The following CTNNA3 variants were observed in gnomAD, a reference collection of about 807,000 sequenced individuals.
The protein encoded by CTNNA3 is catenin alpha-3.
A neutral mutation model predicts 95.7 loss-of-function variants in CTNNA3; 76 were observed. The observed-to-expected ratio is 0.79, with a 90% CI of 0.66 to 0.96. CTNNA3 has a LOEUF of 0.96. Ranked by LOEUF, CTNNA3 falls within the 40% of genes least tolerant of loss-of-function variation. The pLI, the probability that CTNNA3 is intolerant of heterozygous loss-of-function variation, is 0.00. For missense variants in CTNNA3, 1,191 were observed against 1,089.8 expected (o/e 1.09, Z -1.31); for synonymous variants, 431 against 374.4 (o/e 1.15, Z -1.74).
At chr10:66,323,435 A>C (rs752175364) in intron 12 of CTNNA3, among the ~76,000 whole-genome samples, 2 of 151,838 alleles carry the variant, frequency 1.3e-5, no homozygotes, top group Non-Finnish European at 2.9e-5. Context: ...CCTGAGGTCA[A>C]GAGTTCGAGA....
At chr10:66,632,382 C>A (rs1253041932) in intron 9 of CTNNA3, among the ~76,000 whole-genome samples, 2 of 151,640 alleles carry the variant, frequency 1.3e-5, no homozygotes, top group African/African-American at 4.8e-5. Flanking sequence ...GGTGCAACCC[C>A]ATCTCTACTA....
Position 67,133,192 on chromosome 10 carries a change from G to A in CTNNA3, c.1047+47125C>T, listed in dbSNP as rs1228744035. Reference sequence around the variant, plus strand: ...AAACTCATATGTACTCCGTAAATAGGTGAAACATTGTATGTCAATAAAAGA... The same window carrying A: ...AAACTCATATGTACTCCGTAAATAGATGAAACATTGTATGTCAATAAAAGA... On this transcript the variant is annotated intron_variant, in intron 7 of 17. Transcript: ENST00000433211. 1.0e-4 allele frequency among the ~76,000 whole-genome samples: 15 copies of A among 150,500 alleles called. No homozygotes were observed. The Admixed American group carries it at 1.0e-3, about 10-fold the overall frequency.
intron 15 of CTNNA3, among the ~76,000 whole-genome samples, chr10:66,026,490 T>A (rs1376980905): frequency 6.6e-6 from 1 of 152,132 alleles, no homozygotes; most frequent in East Asian, 1.9e-4. Context: ...ATCATTAGAT[T>A]TTTTCAGGAA....
At chr10:66,189,600 T>TTTTATATATATATATATATATA (rs1554883869) in intron 13 of CTNNA3, among the ~76,000 whole-genome samples, 1 of 89,356 alleles carries the variant, frequency 1.1e-5, no homozygotes, top group East Asian at 3.0e-4. Context: ...TACTATAGAT[T>TTTTATATATATATATATATATA]TATATATATA....
At chr10:66,553,143 T>A (rs923353982) in intron 10 of CTNNA3, among the ~76,000 whole-genome samples, 25 of 152,120 alleles carry the variant, frequency 1.6e-4, no homozygotes, top group African/African-American at 4.8e-4. Context: ...TATTTTGTAA[T>A]CCTTTTATCT....
intron 13 of CTNNA3, among the ~76,000 whole-genome samples, chr10:66,211,656 C>T (rs1035671526): frequency 6.6e-6 from 1 of 152,180 alleles, no homozygotes; most frequent in Non-Finnish European, 1.5e-5. Context: ...CTAATATCTG[C>T]AGTAGAATCT....
intron 10 of CTNNA3, among the ~76,000 whole-genome samples, chr10:66,530,055 A>T (rs1841413253): frequency 6.6e-6 from 1 of 152,142 alleles, no homozygotes; most frequent in African/African-American, 2.4e-5. Flanking sequence ...TTCTAAAAAC[A>T]ATTACTTAAA....
chr10:66,581,085 T>C (rs1469322092), intron 10 of CTNNA3, among the ~76,000 whole-genome samples: 2 of 151,800 alleles, frequency 1.3e-5, no homozygotes, highest in Non-Finnish European at 3.0e-5. Context: ...ATTCCATTCT[T>C]TTTATGGCTG....
chr10:66,072,156 T>TTTTGTAAATAATTATGTAATAG (rs1472918396), intron 14 of CTNNA3, among the ~76,000 whole-genome samples: 1 of 152,192 alleles, frequency 6.6e-6, no homozygotes, highest in East Asian at 1.9e-4. Context: ...GAAATTTGAA[T>TTTTGTAAATAATTATGTAATAG]TTTACATAAT....
intron 5 of CTNNA3, among the ~76,000 whole-genome samples, chr10:67,381,917 C>A (rs1051443557): frequency 1.3e-5 from 2 of 152,100 alleles, no homozygotes; most frequent in African/African-American, 4.8e-5. Context: ...ATATCACTAT[C>A]CAGCTCTGAG....
chr10:67,263,288 A>G (rs569581323), intron 5 of CTNNA3, among the ~76,000 whole-genome samples: 73 of 152,284 alleles, frequency 4.8e-4, no homozygotes, highest in African/African-American at 1.4e-3. Context: ...CAGACCTAGT[A>G]CTATTGTGAT....
chr10:66,781,611 G>A (rs1840539651), intron 7 of CTNNA3, among the ~76,000 whole-genome samples: 1 of 152,058 alleles, frequency 6.6e-6, no homozygotes, highest in African/African-American at 2.4e-5. Flanking sequence ...TTTGAAATGA[G>A]GTTTTTAAAA....
chr10:66,969,424 T>C (rs574617933), intron 7 of CTNNA3, among the ~76,000 whole-genome samples: 16 of 152,178 alleles, frequency 1.1e-4, no homozygotes, highest in Non-Finnish European at 1.6e-4. Flanking sequence ...GATGCACATT[T>C]GAATAATGTA....
chr10:67,347,063 A>AATTTTTTT (rs1349401470), intron 5 of CTNNA3, among the ~76,000 whole-genome samples: 1 of 144,322 alleles, frequency 6.9e-6, no homozygotes, highest in Non-Finnish European at 1.5e-5. Context: ...GTAATCCTAG[A>AATTTTTTT]ATTTTTTTTT....
intron 9 of CTNNA3, among the ~76,000 whole-genome samples, chr10:66,685,323 G>A (rs554033070): frequency 0.14 from 4,784 of 34,680 alleles, 338 homozygotes; most frequent in African/African-American, 0.27. Context: ...GTGTGTATGT[G>A]TGTATATATA....
At chr10:66,987,656 G>A (rs1311915469) in intron 7 of CTNNA3, among the ~76,000 whole-genome samples, 3 of 152,064 alleles carry the variant, frequency 2.0e-5, no homozygotes, top group African/African-American at 7.2e-5. Flanking sequence ...AGTTAACTTT[G>A]GAACACCATT....
intron 1 of CTNNA3, among the ~76,000 whole-genome samples, chr10:67,658,681 A>G (rs937906722): frequency 1.2e-4 from 18 of 152,196 alleles, no homozygotes; most frequent in Non-Finnish European, 2.5e-4. Context: ...TTTGAAATCA[A>G]TTCCAGAGTG....
intron 11 of CTNNA3, among the ~76,000 whole-genome samples, chr10:66,513,799 G>T (rs1432213740): frequency 1.3e-5 from 2 of 152,194 alleles, no homozygotes; most frequent in Non-Finnish European, 2.9e-5. Context: ...GGAAGCATGT[G>T]CTTTGGATTT....
intron 13 of CTNNA3, among the ~76,000 whole-genome samples, chr10:66,274,643 G>T (rs564030530): frequency 6.6e-6 from 1 of 152,158 alleles, no homozygotes; most frequent in South Asian, 2.1e-4. Flanking sequence ...TGAGGTGTTG[G>T]CTATGGAGTT....
Sources: allele counts gnomAD v4.1 joint callset (sites outside exome capture counted in the v4.1 genomes callset), GRCh38; gene constraint gnomAD v4.1.1; transcripts MANE v1.5; gene names NCBI Gene and HGNC (gene_info 2026-07-23, HGNC 2026-07-21).